MCC: variants seen among roughly 807,000 people sequenced by gnomAD.
The protein encoded by MCC is MCC regulator of Wnt signaling pathway.
A neutral mutation model predicts 116.2 loss-of-function variants in MCC; 90 were observed. That is an observed-to-expected ratio of 0.77 (90% CI 0.65 to 0.92). The LOEUF (loss-of-function observed/expected upper bound fraction) is 0.92. Ranked by LOEUF, MCC falls within the 40% of genes least tolerant of loss-of-function variation. MCC has a pLI of 0.00. For synonymous variants in MCC, 578 were observed against 510.5 expected, an observed-to-expected ratio of 1.13 and a Z score of -1.78; for missense variants, 1,516 against 1,312.2, an observed-to-expected ratio of 1.16 and a Z score of -2.40.
At chr5:113,039,778 A>C (rs2150212912) in intron 17 of MCC, among the ~76,000 whole-genome samples, 1 of 149,784 alleles carries the variant, frequency 6.7e-6, no homozygotes, top group Middle Eastern at 3.4e-3. Context: ...CCTCCCAAGA[A>C]TATGACGGAG....
intron 11 of MCC, among the ~76,000 whole-genome samples, chr5:113,073,193 C>T (rs181916346): frequency 6.6e-6 from 1 of 152,302 alleles, no homozygotes; most frequent in East Asian, 1.9e-4. Context: ...ATTGGACACC[C>T]CTGCACTAGA....
chr5:113,271,840 C>G (rs772223075), intron 3 of MCC, among the ~76,000 whole-genome samples: 5 of 152,144 alleles, frequency 3.3e-5, no homozygotes, highest in African/African-American at 4.8e-5. Flanking sequence ...AAGAAGGCCC[C>G]TGACAGATGA....
chr5:113,237,715 T>G (rs1474598006), intron 3 of MCC, among the ~76,000 whole-genome samples: 1 of 152,162 alleles, frequency 6.6e-6, no homozygotes, highest in African/African-American at 2.4e-5. Context: ...CCTCATTGAT[T>G]AGTCTCAGCT....
At position 113,104,345 on chromosome 5, in the gene MCC, A is replaced by G. The variant is rs1255907781; in HGVS notation, c.1038T>C (p.Ser346=). 6.2e-7 allele frequency: 1 copy of G among 1,608,038 alleles called. No individual in the cohort carries two copies. ...TMVTADMDNC[S]DLNSELQRVL... ...CCCTCTGCAGTTCTGAGTTCAGGTC[A>G]CTGCAGTTGTCTGTGAGTGAATGAA... The change falls in exon 7 of 19, where the codon AGT becomes AGC. Residue 346 remains serine, a synonymous_variant. Coordinates refer to ENST00000408903, the MANE Select transcript of MCC (RefSeq NM_001085377.2).
chr5:113,199,421 C>G (rs1403996660), intron 3 of MCC, among the ~76,000 whole-genome samples: 2 of 152,010 alleles, frequency 1.3e-5, no homozygotes, highest in African/African-American at 4.8e-5. Context: ...ATAAGGGGTC[C>G]TGAACCTGGA....
intron 1 of MCC, among the ~76,000 whole-genome samples, chr5:113,464,851 A>T (rs1381248673): frequency 1.3e-5 from 2 of 152,164 alleles, no homozygotes; most frequent in African/African-American, 4.8e-5. Context: ...GTAGGGGGAA[A>T]ATTAGAGAAA....
chr5:113,447,003 T>C (rs569141149), intron 1 of MCC, among the ~76,000 whole-genome samples: 1 of 152,174 alleles, frequency 6.6e-6, no homozygotes, highest in Non-Finnish European at 1.5e-5. Flanking sequence ...GGTCCAACCC[T>C]CCCCTCATCT....
chr5:113,256,524 T>C (rs1765011349), intron 3 of MCC, among the ~76,000 whole-genome samples: 1 of 152,154 alleles, frequency 6.6e-6, no homozygotes, highest in African/African-American at 2.4e-5. Context: ...GAACAGTGTA[T>C]GCAAAGGTCT....
At chr5:113,099,681 CTCCAGAG>C (rs1292742777) in intron 8 of MCC, among the ~76,000 whole-genome samples, 1 of 152,210 alleles carries the variant, frequency 6.6e-6, no homozygotes, top group Non-Finnish European at 1.5e-5. Context: ...GGCAATCTGG[CTCCAGAG>C]CCCTGGTACC....
chr5:113,054,393 T>C (rs1000462182), intron 14 of MCC, among the ~76,000 whole-genome samples: 19 of 152,222 alleles, frequency 1.2e-4, no homozygotes, highest in African/African-American at 4.6e-4. Context: ...TTAAAAGATA[T>C]TATATATGTA....
intron 14 of MCC, among the ~76,000 whole-genome samples, chr5:113,063,055 A>T (rs1205196234): frequency 1.3e-5 from 2 of 152,360 alleles, no homozygotes; most frequent in East Asian, 3.9e-4. Context: ...GTTCCCATCC[A>T]GGTTTCCCTC....
intron 14 of MCC, among the ~76,000 whole-genome samples, chr5:113,058,750 G>A (rs1220616246): frequency 6.6e-6 from 1 of 152,204 alleles, no homozygotes; most frequent in East Asian, 1.9e-4. Flanking sequence ...GAATACTAAG[G>A]GTTCCTGCCT....
intron 3 of MCC, among the ~76,000 whole-genome samples, chr5:113,307,553 G>A (rs1767019857): frequency 1.3e-5 from 2 of 151,872 alleles, no homozygotes; most frequent in African/African-American, 4.8e-5. Flanking sequence ...GTATTTCTTG[G>A]AATTTTCTAT....
chr5:113,132,376 A>G (rs1266360882), intron 5 of MCC, among the ~76,000 whole-genome samples: 2 of 131,708 alleles, frequency 1.5e-5, no homozygotes, highest in Non-Finnish European at 1.7e-5. Context: ...GTGTGTGTAT[A>G]TATATACATA....
At chr5:113,344,584 T>C (rs571918246) in intron 2 of MCC, among the ~76,000 whole-genome samples, 7 of 151,784 alleles carry the variant, frequency 4.6e-5, no homozygotes, top group African/African-American at 1.4e-4. Context: ...GTTTTGCATC[T>C]TGGAAACCAG....
intron 10 of MCC, 25 bp from the exon 11 acceptor site, chr5:113,083,033 CTT>C (rs779104785): frequency 6.3e-7 from 1 of 1,599,240 alleles, no homozygotes; most frequent in East Asian, 2.2e-5. Context: ...ATTAATTCCC[CTT>C]TGGAACATAT....
intron 11 of MCC, among the ~76,000 whole-genome samples, chr5:113,072,086 T>C (rs1021213035): frequency 2.6e-5 from 4 of 152,250 alleles, no homozygotes; most frequent in African/African-American, 4.8e-5. Context: ...AGGGTACAGA[T>C]GCTCTTGATG....
intron 3 of MCC, among the ~76,000 whole-genome samples, chr5:113,323,966 A>G (rs920630680): frequency 2.0e-5 from 3 of 152,212 alleles, no homozygotes; most frequent in African/African-American, 7.2e-5. Context: ...TCTACTTTTC[A>G]GTTATTTAGA....
At chr5:113,211,741 C>T (rs1041847731) in intron 3 of MCC, among the ~76,000 whole-genome samples, 3 of 152,160 alleles carry the variant, frequency 2.0e-5, no homozygotes, top group African/African-American at 7.2e-5. Context: ...ATCTCAACTA[C>T]TGGAGGTTAT....
Sources: allele counts gnomAD v4.1 joint callset (sites outside exome capture counted in the v4.1 genomes callset), GRCh38; gene constraint gnomAD v4.1.1; transcripts MANE v1.5; gene names NCBI Gene and HGNC (gene_info 2026-07-23, HGNC 2026-07-21).